Variants in PI4KA observed in about 807,000 individuals in gnomAD.
PI4KA encodes phosphatidylinositol 4-kinase alpha, also known as PI4-kinase alpha.
PI4KA carries 122 observed loss-of-function variants against 271.4 expected under a neutral mutation model. The ratio of observed to expected loss-of-function variants is 0.45; its 90% CI spans 0.39 to 0.52. The LOEUF is 0.52. Ranked by LOEUF, PI4KA falls within the 20% of genes least tolerant of loss-of-function variation. The pLI, the probability that PI4KA is intolerant of heterozygous loss-of-function variation, is 0.00. For synonymous variants in PI4KA, 1,041 were observed against 1,078.8 expected (o/e 0.96, Z 0.69); for missense variants, 1,969 against 2,769.1 (o/e 0.71, Z 6.48).
intron 1 of PI4KA, among the ~76,000 whole-genome samples, chr22:20,853,791 T>A (rs531713099): frequency 2.0e-5 from 3 of 151,848 alleles, no homozygotes; most frequent in East Asian, 3.9e-4. Context: ...AATGGGATCT[T>A]GGTCAGGTTG....
chr22:20,787,271 C>G lies in PI4KA; in HGVS notation c.2328+5922G>C, dbSNP rs999694840. On this transcript the variant is annotated intron_variant, in intron 19 of 54. Transcript: ENST00000255882. The stretch of plus-strand genomic sequence containing the variant: ...TGCACAATAGCCCATGCTGTAAGCT[C>G]ATAGAAGTCACTGTAACTGTAGTGT... 6 of 604,950 alleles carry G rather than the reference C, an allele frequency of 9.9e-6. No individual in the cohort carries two copies. The African/African-American group carries it at 1.1e-4, about 11-fold the overall frequency. The allele number at this position is 604,950 out of a possible 1,614,324, so 37.5% of individuals were successfully genotyped here.
chr22:20,792,438 A>T (rs1934703967), intron 19 of PI4KA, among the ~76,000 whole-genome samples: 1 of 152,222 alleles, frequency 6.6e-6, no homozygotes, highest in Admixed American at 6.5e-5. Flanking sequence ...TGAAGGGGAC[A>T]CATGCAAGTG....
intron 19 of PI4KA, chr22:20,786,063 C>T: frequency 2.5e-6 from 4 of 1,614,116 alleles, no homozygotes; most frequent in Non-Finnish European, 3.4e-6. Flanking sequence ...CTAGTGGAGT[C>T]CCTGAAGTTG....
In PI4KA at chr22:20,858,678, G is replaced by GCCT. The variant is rs1927979656; in HGVS notation, c.47_48insAGG (p.Gly18dup). Reference sequence around the variant, plus strand: ...TGGAGCCGGAGCCGGAGCAGCCGCCGCCGCCTCCGCCTCCGCCTCCGCCTC... The same window carrying GCCT: ...TGGAGCCGGAGCCGGAGCAGCCGCCGCCTCCGCCTCCGCCTCCGCCTCCGCCTC... On this transcript the variant is annotated inframe_insertion, in exon 1 of 55. Transcript: ENST00000255882. 6.8e-7 allele frequency: 1 copy of GCCT among 1,470,494 alleles called. No homozygotes were observed. The highest frequency in any genetic ancestry group is 2.9e-5 in the East Asian group (1 of 33,976). The allele number at this position is 1,470,494 out of a possible 1,614,324, so 91.1% of individuals were successfully genotyped here.
rs140069100 is a variant in PI4KA, at chr22:20,805,111, T to C, written c.1223A>G (p.Asn408Ser). The change falls in exon 11 of 55, where the codon AAC becomes AGC. Residue 408 changes from asparagine to serine, a missense_variant. Physicochemically the swap from Asn to Ser is conservative, Grantham distance 46. Around this residue, in one of 13 missense-constraint regions of PI4KA, gnomAD observed 540 missense variants for 555.5 expected, o/e 0.97. Transcript: ENST00000255882. Reference protein sequence around the residue: ...EIHDFVLEQFNTSQGELQKIL... With the variant: ...EIHDFVLEQFSTSQGELQKIL... ...CTTCTGGAGCTCCCCCTGGCTCGTG[T>C]TGAACTGCTCCAGCACAAAATCATG... 14 of 1,614,046 alleles carry C rather than the reference T, an allele frequency of 8.7e-6. No individual in the cohort carries two copies. Among genetic ancestry groups the C allele is most frequent in the African/African-American group, 8.0e-5 (6 of 74,932 alleles).
chr22:20,831,955 CA>C (rs1924232585), intron 3 of PI4KA, among the ~76,000 whole-genome samples: 1 of 152,156 alleles, frequency 6.6e-6, no homozygotes, highest in Non-Finnish European at 1.5e-5. Context: ...CTTTCAGGGA[CA>C]CCAATGAGTT....
At chr22:20,771,768 G>C (rs201956735) in intron 19 of PI4KA, among the ~76,000 whole-genome samples, 1 of 151,906 alleles carries the variant, frequency 6.6e-6, no homozygotes, top group Non-Finnish European at 1.5e-5. Context: ...TTTTAGTAGG[G>C]ACGGGGTTTT....
chr22:20,853,179 G>C (rs1927197050), intron 1 of PI4KA, among the ~76,000 whole-genome samples: 1 of 152,202 alleles, frequency 6.6e-6, no homozygotes, highest in South Asian at 2.1e-4. Flanking sequence ...AAAGGGCTCT[G>C]ATCAAAGCCT....
At chr22:20,778,544 C>A (rs374227888) in intron 19 of PI4KA, among the ~76,000 whole-genome samples, 46 of 152,060 alleles carry the variant, frequency 3.0e-4, no homozygotes, top group East Asian at 9.6e-4. Flanking sequence ...ACAACAACAA[C>A]AAAAAAACAA....
chr22:20,725,260 A>G (rs2147219021), intron 42 of PI4KA, among the ~76,000 whole-genome samples: 1 of 152,256 alleles, frequency 6.6e-6, no homozygotes, highest in East Asian at 1.9e-4. Flanking sequence ...CTGCACTCAG[A>G]CACAGGGTGC....
chr22:20,768,447 G>T (rs1024830451), intron 19 of PI4KA, among the ~76,000 whole-genome samples: 1 of 151,978 alleles, frequency 6.6e-6, no homozygotes, highest in Non-Finnish European at 1.5e-5. Context: ...AATCCAAAAC[G>T]TATAAATAAT....
At chr22:20,779,865 G>A (rs865878593) in intron 19 of PI4KA, 1 of 1,614,096 alleles carries the variant, frequency 6.2e-7, no homozygotes, top group Non-Finnish European at 8.5e-7. Flanking sequence ...GCATTTTAAA[G>A]ACTTTGTTAA....
chr22:20,812,581 GTCTCACTCT>G (rs1921203531), intron 8 of PI4KA, among the ~76,000 whole-genome samples: 1 of 152,086 alleles, frequency 6.6e-6, no homozygotes, highest in Non-Finnish European at 1.5e-5. Context: ...TTGAGATGGA[GTCTCACTCT>G]GTTGCCCAGG....
Position 20,818,465 on chromosome 22 carries a change from C to A in PI4KA, c.856+18G>T. On this transcript the variant is annotated intron_variant, in intron 7 of 54. Transcript: ENST00000255882. ...CCAAGTATTACGTCAAAATATTCTT[C>A]GGAAAGGTGAAGCCCACCTTCAAAG... The A allele has an allele frequency of 6.4e-7, 1 of 1,565,276 alleles. No homozygotes were observed. The highest frequency in any genetic ancestry group is 1.2e-5 in the South Asian group (1 of 83,796).
At position 20,709,844 on chromosome 22, in the gene PI4KA, G is replaced by C. The variant is rs141171766; in HGVS notation, c.6173+64C>G. ...AATTACATGAAAGGTACCTATCTTG[G>C]ATGGAGCCTCAGCTAATGGACAACT... On this transcript the variant is annotated intron_variant, in intron 53 of 54. Coordinates refer to ENST00000255882, the MANE Select transcript of PI4KA (RefSeq NM_058004.4). 4.8e-3 allele frequency: 4,350 copies of C among 914,406 alleles called. 77 individuals carry two copies. The highest frequency in any genetic ancestry group is 0.035 in the Admixed American group (2,065 of 58,498). 56.6% of individuals were successfully genotyped at this position (914,406 alleles called of 1,614,324 possible). A position where few individuals can be genotyped will look rare whatever the true frequency, so the allele number is the denominator to read the frequency against.
intron 31 of PI4KA, 125 bp from the exon 32 acceptor site, chr22:20,742,480 G>T: frequency 6.5e-7 from 1 of 1,542,192 alleles, no homozygotes; most frequent in Non-Finnish European, 8.8e-7. Flanking sequence ...TTCCACTCAT[G>T]AGAGATACTC....
chr22:20,824,610 C>T (rs936827890), intron 3 of PI4KA, among the ~76,000 whole-genome samples, 196 bp from the exon 4 acceptor site: 2 of 152,070 alleles, frequency 1.3e-5, no homozygotes, highest in African/African-American at 4.8e-5. Context: ...CTTACCTTTC[C>T]TTTAAGTAAA....
chr22:20,825,525 G>A (rs918732749), intron 3 of PI4KA, among the ~76,000 whole-genome samples: 2 of 152,156 alleles, frequency 1.3e-5, no homozygotes, highest in Non-Finnish European at 2.9e-5. Context: ...AACCCAGGAG[G>A]TGGAGGTTGC....
chr22:20,720,412 C>T (rs1489348893), intron 43 of PI4KA, among the ~76,000 whole-genome samples: 3 of 152,098 alleles, frequency 2.0e-5, no homozygotes, highest in African/African-American at 4.8e-5. Context: ...ATTAGCCAGT[C>T]GTGGTGGCGT....
Sources: allele counts gnomAD v4.1 joint callset (sites outside exome capture counted in the v4.1 genomes callset), GRCh38; gene constraint gnomAD v4.1.1; regional missense constraint gnomAD v4.1.1; transcripts MANE v1.5; gene names NCBI Gene and HGNC (gene_info 2026-07-23, HGNC 2026-07-21).